LRRTM4: variants seen among roughly 807,000 people sequenced by gnomAD.
LRRTM4 encodes the protein leucine-rich repeat transmembrane neuronal protein 4.
LRRTM4 carries 25 observed loss-of-function variants against 47.6 expected under a neutral mutation model. That is an observed-to-expected ratio of 0.53 (90% confidence interval 0.38 to 0.73). The LOEUF (loss-of-function observed/expected upper bound fraction) is 0.73. Among genes scored for constraint, LRRTM4 ranks in the 30% least tolerant of loss-of-function variants. The probability of loss-of-function intolerance (pLI) is 0.00; values close to 1 mark genes in which losing one functional copy is unlikely to be tolerated. For synonymous variants in LRRTM4, 311 were observed against 269.5 expected, an observed-to-expected ratio of 1.15 and a Z score of -1.51; for missense variants, 638 against 713.4, an observed-to-expected ratio of 0.89 and a Z score of 1.20.
intron 3 of LRRTM4, among the ~76,000 whole-genome samples, chr2:77,312,710 A>G (rs952331727): frequency 1.3e-5 from 2 of 152,156 alleles, no homozygotes; most frequent in African/African-American, 4.8e-5. Context: ...AATCTTTTCT[A>G]ACTAAATGGA....
chr2:77,481,868 GT>G (rs565493377), intron 3 of LRRTM4, among the ~76,000 whole-genome samples: 35,526 of 125,756 alleles, frequency 0.28, 4,888 homozygotes, highest in Non-Finnish European at 0.36. Context: ...AGAGTGAAGG[GT>G]TTTTTTTTTT....
At chr2:76,828,429 C>A (rs1011915551) in intron 3 of LRRTM4, among the ~76,000 whole-genome samples, 1 of 151,930 alleles carries the variant, frequency 6.6e-6, no homozygotes, top group Non-Finnish European at 1.5e-5. Flanking sequence ...AGTGCTAATT[C>A]TCTTGACTTC....
At chr2:76,774,178 CT>C (rs11342000) in intron 3 of LRRTM4, among the ~76,000 whole-genome samples, 27,543 of 146,584 alleles carry the variant, frequency 0.19, 2,543 homozygotes, top group South Asian at 0.22. Context: ...GAAAAGGGAA[CT>C]TTTTTTTTTT....
At chr2:77,013,841 G>A (rs1309579356) in intron 3 of LRRTM4, among the ~76,000 whole-genome samples, 3 of 152,152 alleles carry the variant, frequency 2.0e-5, no homozygotes, top group Non-Finnish European at 4.4e-5. Flanking sequence ...TAAAGAGGCT[G>A]TCTTAAACTG....
intron 3 of LRRTM4, among the ~76,000 whole-genome samples, chr2:77,086,928 AAAC>A (rs1680737587): frequency 6.6e-6 from 1 of 152,102 alleles, no homozygotes; most frequent in African/African-American, 2.4e-5. Context: ...CCTCCAGAAA[AAAC>A]AACTGACAAA....
chr2:77,296,979 G>T (rs1239212864), intron 3 of LRRTM4, among the ~76,000 whole-genome samples: 1 of 152,204 alleles, frequency 6.6e-6, no homozygotes, highest in Non-Finnish European at 1.5e-5. Flanking sequence ...CAGGGGAGCA[G>T]ATTCCCTAAA....
At chr2:77,216,501 G>A (rs2103935296) in intron 3 of LRRTM4, among the ~76,000 whole-genome samples, 1 of 151,366 alleles carries the variant, frequency 6.6e-6, no homozygotes, top group African/African-American at 2.4e-5. Flanking sequence ...ACCAATCTCA[G>A]CTCACTGTAC....
At chr2:76,888,477 C>T (rs1281967707) in intron 3 of LRRTM4, among the ~76,000 whole-genome samples, 1 of 151,468 alleles carries the variant, frequency 6.6e-6, no homozygotes, top group Non-Finnish European at 1.5e-5. Context: ...TATATGTACT[C>T]ATAAGTTTTC....
intron 3 of LRRTM4, among the ~76,000 whole-genome samples, chr2:77,419,278 C>T (rs1674773115): frequency 6.6e-6 from 1 of 152,140 alleles, no homozygotes; most frequent in South Asian, 2.1e-4. Flanking sequence ...GGCTAAGAAA[C>T]ATTAATGCTG....
chr2:76,955,205 G>A lies in LRRTM4; in HGVS notation c.1552-206289C>T, dbSNP rs146222674. Among the ~76,000 whole-genome samples the A allele has an allele frequency of 3.7e-3, 568 of 151,900 alleles. 1 individual carries two copies. Among genetic ancestry groups the A allele is most frequent in the African/African-American group, 0.013 (542 of 41,470 alleles). On this transcript the variant is annotated intron_variant, in intron 3 of 3. Coordinates refer to ENST00000409884, the MANE Select transcript of LRRTM4 (RefSeq NM_001134745.3). ...AATATGGTAATTCTGTAATGGTGAT[G>A]TATAAATAACTTTTAATTCTGAAGT...
chr2:76,944,621 T>G lies in LRRTM4; in HGVS notation c.1552-195705A>C, dbSNP rs1381283594. On this transcript the variant is annotated intron_variant, in intron 3 of 3. Coordinates refer to ENST00000409884, the MANE Select transcript of LRRTM4 (RefSeq NM_001134745.3). ...AGGTTCATCTATAGAGAGAAATTACTGGGGAGGGGCAGAAGGCAAAAGAAA... is the reference window on the plus strand; with the variant it reads ...AGGTTCATCTATAGAGAGAAATTACGGGGGAGGGGCAGAAGGCAAAAGAAA... Among the ~76,000 whole-genome samples the G allele has an allele frequency of 2.6e-5, 4 of 152,006 alleles. No individual in the cohort carries two copies. In the East Asian group the frequency reaches 7.7e-4, roughly 29 times the overall value.
chr2:77,468,739 C>A (rs1308821338), intron 3 of LRRTM4, among the ~76,000 whole-genome samples: 3 of 152,138 alleles, frequency 2.0e-5, no homozygotes, highest in Non-Finnish European at 4.4e-5. Flanking sequence ...GGCTCTCTCC[C>A]TGCTCTCCTC....
intron 3 of LRRTM4, among the ~76,000 whole-genome samples, chr2:77,306,608 A>G (rs556064031): frequency 6.6e-6 from 1 of 152,114 alleles, no homozygotes; most frequent in Non-Finnish European, 1.5e-5. Flanking sequence ...CCTGAGACCA[A>G]TTAGTGATAA....
chr2:77,255,200 A>C (rs1398064398), intron 3 of LRRTM4, among the ~76,000 whole-genome samples: 1 of 152,014 alleles, frequency 6.6e-6, no homozygotes, highest in Non-Finnish European at 1.5e-5. Flanking sequence ...CATAGCGATA[A>C]AAGGGCAAAT....
chr2:77,494,484 A>G (rs1678285684), intron 3 of LRRTM4, among the ~76,000 whole-genome samples: 2 of 152,036 alleles, frequency 1.3e-5, no homozygotes, highest in African/African-American at 4.8e-5. Flanking sequence ...TAGGCATTCC[A>G]GAGGCTGAGA....
At chr2:77,447,538 T>C (rs1338616086) in intron 3 of LRRTM4, among the ~76,000 whole-genome samples, 1 of 152,120 alleles carries the variant, frequency 6.6e-6, no homozygotes, top group East Asian at 1.9e-4. Context: ...TAACCCTCCT[T>C]CTGTCACTTT....
At chr2:76,793,348 G>A (rs892108895) in intron 3 of LRRTM4, among the ~76,000 whole-genome samples, 3 of 152,012 alleles carry the variant, frequency 2.0e-5, no homozygotes, top group African/African-American at 7.2e-5. Flanking sequence ...TGAGTAGATG[G>A]GACATAGATT....
intron 3 of LRRTM4, among the ~76,000 whole-genome samples, chr2:76,893,615 C>G (rs918880117): frequency 2.6e-5 from 4 of 151,330 alleles, no homozygotes; most frequent in Non-Finnish European, 5.9e-5. Context: ...AGACATGCAT[C>G]TTCCAAGAAT....
intron 3 of LRRTM4, among the ~76,000 whole-genome samples, chr2:77,320,833 G>A (rs1385404380): frequency 6.6e-6 from 1 of 151,856 alleles, no homozygotes; most frequent in African/African-American, 2.4e-5. Context: ...TGTAATGGGA[G>A]TTATATTACT....
Sources: gnomAD v4.1 joint callset for allele counts (sites outside exome capture counted in the v4.1 genomes callset) on GRCh38, gnomAD v4.1.1 for gene constraint, MANE v1.5 for transcripts, NCBI Gene and HGNC (gene_info 2026-07-23, HGNC 2026-07-21) for gene names.